The following PVT1 variants were observed in gnomAD, a reference collection of about 807,000 sequenced individuals.
PVT1 encodes the protein Pvt1 oncogene.
chr8:128,073,182 A>G (rs1023564534), intron 5 of PVT1, among the ~76,000 whole-genome samples: 1 of 152,096 alleles, frequency 6.6e-6, no homozygotes, highest in Non-Finnish European at 1.5e-5. Context: ...GAGGGGCAGC[A>G]TGTTCTGTCT....
At chr8:128,097,000 C>T (rs935547083) in intron 6 of PVT1, among the ~76,000 whole-genome samples, 1 of 152,206 alleles carries the variant, frequency 6.6e-6, no homozygotes, top group Non-Finnish European at 1.5e-5. Flanking sequence ...CTGAAACCAG[C>T]CAAATGCCTG....
At chr8:128,069,588 A>G (rs1274358409) in intron 4 of PVT1, among the ~76,000 whole-genome samples, 1 of 152,116 alleles carries the variant, frequency 6.6e-6, no homozygotes, top group Non-Finnish European at 1.5e-5. Context: ...TTTATAGAGG[A>G]GAGAGCTGAG....
intron 2 of PVT1, among the ~76,000 whole-genome samples, chr8:127,835,318 C>T (rs1162737207): frequency 6.6e-6 from 1 of 152,088 alleles, no homozygotes; most frequent in Non-Finnish European, 1.5e-5. Context: ...AAGCTGGAAA[C>T]CATCATTCTC....
chr8:127,933,658 G>A (rs538636044), intron 3 of PVT1, among the ~76,000 whole-genome samples: 13 of 152,290 alleles, frequency 8.5e-5, no homozygotes, highest in African/African-American at 3.1e-4. Flanking sequence ...GTGGGACCTT[G>A]GAGACATCTG....
intron 2 of PVT1, among the ~76,000 whole-genome samples, chr8:127,888,220 G>A (rs1008207908): frequency 8.5e-5 from 13 of 152,164 alleles, no homozygotes; most frequent in South Asian, 2.1e-4. Flanking sequence ...GATTACAGGC[G>A]TGAGCCACCG....
intron 3 of PVT1, among the ~76,000 whole-genome samples, chr8:127,979,454 A>C (rs17776826): frequency 6.6e-6 from 1 of 152,100 alleles, no homozygotes; most frequent in Non-Finnish European, 1.5e-5. Flanking sequence ...AGCATCTGTC[A>C]TATAAACCTT....
At chr8:128,064,583 G>A (rs763470510) in intron 4 of PVT1, among the ~76,000 whole-genome samples, 1 of 152,180 alleles carries the variant, frequency 6.6e-6, no homozygotes, top group Non-Finnish European at 1.5e-5. Context: ...TGGTTCTAGG[G>A]TGGGGCCCTG....
chr8:127,852,028 A>C (rs1815112104), intron 2 of PVT1: 1 of 152,250 alleles, frequency 6.6e-6, no homozygotes, highest in Non-Finnish European at 1.5e-5. Flanking sequence ...ATCTGGAGCC[A>C]AACTGGCCTG....
intron 2 of PVT1, among the ~76,000 whole-genome samples, chr8:127,887,971 C>T (rs941806922): frequency 3.9e-5 from 4 of 102,280 alleles, no homozygotes; most frequent in Admixed American, 1.6e-4. Flanking sequence ...GACTGAATCT[C>T]ACTCTGTCAC....
intron 2 of PVT1, among the ~76,000 whole-genome samples, chr8:127,845,365 G>T (rs1407961629): frequency 6.6e-6 from 1 of 152,164 alleles, no homozygotes; most frequent in Non-Finnish European, 1.5e-5. Flanking sequence ...AGAAGAGGGA[G>T]ATCCTCATGG....
At chr8:127,889,926 T>C (rs1239934711) in intron 2 of PVT1, among the ~76,000 whole-genome samples, 2 of 152,214 alleles carry the variant, frequency 1.3e-5, no homozygotes, top group African/African-American at 2.4e-5. Context: ...GCATTGTGGA[T>C]CAATTTGTTC....
chr8:127,960,264 T>C (rs1322484883), intron 3 of PVT1, among the ~76,000 whole-genome samples: 1 of 152,092 alleles, frequency 6.6e-6, no homozygotes, highest in Non-Finnish European at 1.5e-5. Context: ...CTCTGATGAA[T>C]GGGTTGATTT....
intron 3 of PVT1, among the ~76,000 whole-genome samples, chr8:127,936,293 C>G (rs918586067): frequency 1.3e-5 from 2 of 151,994 alleles, no homozygotes; most frequent in African/African-American, 4.8e-5. Context: ...CTCAGGTGTT[C>G]TGCCTGCCTT....
At chr8:127,981,785 G>A (rs1209100694) in intron 3 of PVT1, among the ~76,000 whole-genome samples, 1 of 152,056 alleles carries the variant, frequency 6.6e-6, no homozygotes, top group East Asian at 1.9e-4. Flanking sequence ...CTGTTTCTAC[G>A]GTGAGATTTG....
At chr8:128,077,021 G>T (rs2130144224) in intron 5 of PVT1, among the ~76,000 whole-genome samples, 1 of 152,338 alleles carries the variant, frequency 6.6e-6, no homozygotes, top group African/African-American at 2.4e-5. Flanking sequence ...GACCACAGAG[G>T]TCACAGGATC....
rs113371797 is a variant in PVT1, at chr8:127,889,119, CTCTT to C, written n.373-1457_373-1454del. Among the ~76,000 whole-genome samples, 1,180 of 144,746 alleles carry C rather than the reference CTCTT, an allele frequency of 8.2e-3. 20 individuals carry two copies. The highest frequency in any genetic ancestry group is 0.029 in the African/African-American group (1,109 of 38,766). The allele number at this position is 144,746 out of a possible 152,430, so 95.0% of individuals were successfully genotyped here. A position where few individuals can be genotyped will look rare whatever the true frequency, so the allele number is the denominator to read the frequency against. ...TCCTTCCCTCCTTCCTTCCCTCTCT[CTCTT>C]TCTTTCTTTCTTCTTTTTTTTTTTG... is the stretch of plus-strand genomic sequence containing the variant. On this transcript the variant is annotated intron_variant and non_coding_transcript_variant, in intron 2 of 10. Transcript: ENST00000651587.
At chr8:127,896,469 T>C (rs946256527) in intron 3 of PVT1, among the ~76,000 whole-genome samples, 3 of 152,150 alleles carry the variant, frequency 2.0e-5, no homozygotes, top group Admixed American at 6.5e-5. Flanking sequence ...CCTCTTTGAC[T>C]GATAGCTACA....
At chr8:128,039,131 T>G (rs1456935817) in intron 4 of PVT1, among the ~76,000 whole-genome samples, 1 of 152,190 alleles carries the variant, frequency 6.6e-6, no homozygotes, top group Non-Finnish European at 1.5e-5. Flanking sequence ...CCGTTTCTTC[T>G]TTCTGCCTTG....
At chr8:128,038,692 A>T (rs754053284) in intron 4 of PVT1, among the ~76,000 whole-genome samples, 82 of 152,210 alleles carry the variant, frequency 5.4e-4, no homozygotes, top group Non-Finnish European at 1.1e-3. Context: ...GGAATCCTCT[A>T]TTGCTTGCAA....
Sources: gnomAD v4.1 joint callset for allele counts (sites outside exome capture counted in the v4.1 genomes callset) on GRCh38, gnomAD v4.1.1 for gene constraint, MANE v1.5 for transcripts, NCBI Gene and HGNC (gene_info 2026-07-23, HGNC 2026-07-21) for gene names.